NCALD: variants seen among roughly 807,000 people sequenced by gnomAD.
NCALD encodes neurocalcin-delta.
Under a neutral mutation model 18.6 loss-of-function variants are expected in NCALD, and 10 were observed. The observed-to-expected ratio is 0.54, with a 90% confidence interval of 0.33 to 0.91. The LOEUF is 0.91. Among genes scored for constraint, NCALD ranks in the 40% least tolerant of loss-of-function variants. The pLI is 0.03. For synonymous variants in NCALD, 88 were observed against 87.4 expected (o/e 1.01, Z -0.04); for missense variants, 184 against 247.6 (o/e 0.74, Z 1.72).
At chr8:101,766,303 T>A (rs1269467767) in intron 1 of NCALD, among the ~76,000 whole-genome samples, 1 of 152,174 alleles carries the variant, frequency 6.6e-6, no homozygotes, top group East Asian at 1.9e-4. Context: ...CTTTAACATG[T>A]TTTTCTTGAT....
intron 4 of NCALD, among the ~76,000 whole-genome samples, chr8:101,820,561 T>TA (rs1813679725): frequency 6.6e-6 from 1 of 152,152 alleles, no homozygotes; most frequent in African/African-American, 2.4e-5. Context: ...TTTTATACTG[T>TA]AAAAAAATTA....
intron 2 of NCALD, among the ~76,000 whole-genome samples, chr8:101,980,258 G>A (rs1167258551): frequency 1.3e-5 from 2 of 152,170 alleles, no homozygotes; most frequent in Non-Finnish European, 2.9e-5. Flanking sequence ...TGGAGGTGGG[G>A]CGCACATTAG....
chr8:101,935,783 CTT>C (rs35929551), intron 2 of NCALD, among the ~76,000 whole-genome samples: 50 of 103,480 alleles, frequency 4.8e-4, no homozygotes, highest in African/African-American at 1.2e-3. Context: ...TCAAGAGATT[CTT>C]TTTTTTTTTT....
chr8:102,041,659 G>A (rs996886789), intron 1 of NCALD, among the ~76,000 whole-genome samples: 57 of 152,332 alleles, frequency 3.7e-4, no homozygotes, highest in African/African-American at 1.2e-3. Flanking sequence ...ACTGAACAAA[G>A]TCAGGAGGAG....
chr8:101,735,139 A>G (rs942613626), intron 1 of NCALD, among the ~76,000 whole-genome samples: 6 of 152,102 alleles, frequency 3.9e-5, no homozygotes, highest in Non-Finnish European at 7.4e-5. Flanking sequence ...TGAAGGGAGG[A>G]TAGGAAGTAA....
chr8:101,695,213 G>C (rs1268532632), intron 2 of NCALD, among the ~76,000 whole-genome samples: 1 of 152,230 alleles, frequency 6.6e-6, no homozygotes, highest in Non-Finnish European at 1.5e-5. Context: ...GCATGGAGCT[G>C]TTTCAGGAGT....
chr8:102,060,638 C>T (rs1823817385), intron 1 of NCALD, among the ~76,000 whole-genome samples: 1 of 152,202 alleles, frequency 6.6e-6, no homozygotes, highest in Non-Finnish European at 1.5e-5. Context: ...AGATCAGCCA[C>T]AGCATGTGGG....
intron 4 of NCALD, among the ~76,000 whole-genome samples, chr8:101,812,703 C>G (rs1403801211): frequency 1.3e-5 from 2 of 152,180 alleles, no homozygotes; most frequent in African/African-American, 4.8e-5. Context: ...ATGGAACCTT[C>G]TAAAAGAATT....
At chr8:101,940,555 G>A (rs776420749) in intron 2 of NCALD, among the ~76,000 whole-genome samples, 8 of 152,192 alleles carry the variant, frequency 5.3e-5, no homozygotes, top group South Asian at 2.1e-4. Context: ...AATCTTCAGT[G>A]TGATGGCTTT....
intron 2 of NCALD, among the ~76,000 whole-genome samples, chr8:101,999,275 A>T (rs1219908369): frequency 1.3e-5 from 2 of 152,082 alleles, no homozygotes; most frequent in African/African-American, 4.8e-5. Context: ...AATCAATGAG[A>T]AGATAAAGAA....
chr8:101,758,820 G>A (rs1030131138), intron 1 of NCALD, among the ~76,000 whole-genome samples: 5 of 122,138 alleles, frequency 4.1e-5, no homozygotes, highest in Admixed American at 8.1e-5. Flanking sequence ...TGGGACACAG[G>A]ATGTGTAAAA....
At chr8:101,754,612 C>T (rs1810796849) in intron 1 of NCALD, among the ~76,000 whole-genome samples, 2 of 152,148 alleles carry the variant, frequency 1.3e-5, no homozygotes, top group African/African-American at 4.8e-5. Context: ...GTCTCACCTC[C>T]CAATACCATC....
At chr8:101,699,957 TA>T (rs1815178169) in intron 2 of NCALD, among the ~76,000 whole-genome samples, 1 of 152,220 alleles carries the variant, frequency 6.6e-6, no homozygotes, top group East Asian at 1.9e-4. Flanking sequence ...AATTATTTAA[TA>T]ATTATGTATT....
At chr8:102,019,642 C>T (rs868342668) in intron 2 of NCALD, among the ~76,000 whole-genome samples, 1 of 152,090 alleles carries the variant, frequency 6.6e-6, no homozygotes, top group Non-Finnish European at 1.5e-5. Context: ...CAAGGAATAT[C>T]GCAGAAAGAT....
intron 1 of NCALD, among the ~76,000 whole-genome samples, chr8:102,021,131 C>A (rs1413459903): frequency 6.6e-6 from 1 of 152,160 alleles, no homozygotes; most frequent in East Asian, 1.9e-4. Flanking sequence ...TATTTCTTGT[C>A]TTCCCTGTAA....
At chr8:101,817,322 C>T (rs1210703726) in intron 4 of NCALD, among the ~76,000 whole-genome samples, 1 of 152,274 alleles carries the variant, frequency 6.6e-6, no homozygotes, top group Admixed American at 6.5e-5. Flanking sequence ...ATTAGGATGC[C>T]ATCCTCTTCA....
rs1344851354 is a variant in NCALD at position 101,734,935 on chromosome 8, G to GA, written c.-19-15288dup. On this transcript the variant is annotated intron_variant, in intron 1 of 3. Coordinates refer to ENST00000220931, the MANE Select transcript of NCALD (RefSeq NM_032041.3). ...GCTCTGAATGGGTCCAAAGCAGCAA[G>GA]AAAATACTGATTTTGGATAAAAGAG... 7.2e-5 allele frequency among the ~76,000 whole-genome samples: 11 copies of GA among 152,130 alleles called. 1 individual carries two copies. Among genetic ancestry groups the GA allele is most frequent in the African/African-American group, 2.7e-4 (11 of 41,428 alleles).
intron 3 of NCALD, among the ~76,000 whole-genome samples, chr8:101,908,495 G>A (rs369275455): frequency 1.3e-5 from 2 of 152,222 alleles, no homozygotes; most frequent in East Asian, 3.9e-4. Flanking sequence ...TCATTTCACG[G>A]AACCATGTTC....
chr8:101,765,582 A>G (rs1811313784), intron 1 of NCALD, among the ~76,000 whole-genome samples: 2 of 152,240 alleles, frequency 1.3e-5, no homozygotes, highest in African/African-American at 4.8e-5. Context: ...GCTCAGAATA[A>G]GATTTGATTA....
Sources: allele counts gnomAD v4.1 joint callset (sites outside exome capture counted in the v4.1 genomes callset), GRCh38; gene constraint gnomAD v4.1.1; transcripts MANE v1.5; gene names NCBI Gene and HGNC (gene_info 2026-07-23, HGNC 2026-07-21).